RBM6: variants seen among roughly 807,000 people sequenced by gnomAD.
RBM6 encodes the protein RNA binding motif protein 6.
In RBM6, 23 loss-of-function variants were observed where a neutral mutation model predicts 140.4. The observed-to-expected ratio is 0.16, with a 90% CI of 0.12 to 0.23. The LOEUF is 0.23. Among genes scored for constraint, RBM6 ranks in the 10% least tolerant of loss-of-function variants. The probability of loss-of-function intolerance (pLI) is 1.00; values close to 1 mark genes in which losing one functional copy is unlikely to be tolerated. For missense variants in RBM6, 1,139 were observed against 1,386.7 expected (o/e 0.82, Z 2.84); for synonymous variants, 439 against 475.6 (o/e 0.92, Z 1.00).
chr3:50,015,131 G>T (rs2087057781), intron 6 of RBM6, among the ~76,000 whole-genome samples: 1 of 147,796 alleles, frequency 6.8e-6, no homozygotes. Flanking sequence ...TTTTGAGACA[G>T]AGTCACGCTC....
At chr3:49,990,247 T>C (rs1336220345) in intron 5 of RBM6, among the ~76,000 whole-genome samples, 1 of 152,210 alleles carries the variant, frequency 6.6e-6, no homozygotes, top group African/African-American at 2.4e-5. Context: ...TAGCCTACTA[T>C]ACAGCTAGGC....
chr3:50,035,756 A>G (rs1300035910), intron 6 of RBM6, among the ~76,000 whole-genome samples: 1 of 151,652 alleles, frequency 6.6e-6, no homozygotes, highest in East Asian at 1.9e-4. Context: ...TTATGATTTT[A>G]TTTAAAAAAA....
At chr3:49,965,784 T>C (rs1430487207) in intron 2 of RBM6, among the ~76,000 whole-genome samples, 1 of 152,136 alleles carries the variant, frequency 6.6e-6, no homozygotes, top group Admixed American at 6.6e-5. Context: ...ATCCATTAAA[T>C]GTACATCATT....
intron 6 of RBM6, among the ~76,000 whole-genome samples, chr3:50,014,932 C>T (rs908938345): frequency 6.6e-6 from 1 of 151,038 alleles, no homozygotes; most frequent in African/African-American, 2.4e-5. Context: ...ACCTGCAGTC[C>T]CAGCTACTCA....
At chr3:50,036,129 C>T (rs1412155599) in intron 6 of RBM6, among the ~76,000 whole-genome samples, 1 of 152,014 alleles carries the variant, frequency 6.6e-6, no homozygotes, top group Non-Finnish European at 1.5e-5. Flanking sequence ...CTCCTGACCT[C>T]AGTTGATTCG....
chr3:49,973,746 C>A (rs1485080035), intron 4 of RBM6, among the ~76,000 whole-genome samples: 1 of 151,648 alleles, frequency 6.6e-6, no homozygotes, highest in Non-Finnish European at 1.5e-5. Flanking sequence ...CCACTGCACC[C>A]AGCTGATTTT....
intron 20 of RBM6, among the ~76,000 whole-genome samples, chr3:50,076,312 G>A (rs2090459062): frequency 1.3e-5 from 2 of 151,668 alleles, no homozygotes; most frequent in African/African-American, 2.4e-5. Flanking sequence ...TCCGGGCGCA[G>A]TGGCTTATGC....
At position 50,015,667 on chromosome 3, in the gene RBM6, C is replaced by A. The variant is rs1049501589; in HGVS notation, c.1557+16154C>A. Reference sequence around the variant, plus strand: ...CAGGATGGTCTCCATCTCCTGACCTCGTGATCCACCTGCCTCAGCCTCCCA... The same window carrying A: ...CAGGATGGTCTCCATCTCCTGACCTAGTGATCCACCTGCCTCAGCCTCCCA... On this transcript the variant is annotated intron_variant, in intron 6 of 20. Coordinates refer to ENST00000266022, the MANE Select transcript of RBM6 (RefSeq NM_005777.3). Among the ~76,000 whole-genome samples, 4 of 147,932 alleles carry A rather than the reference C, an allele frequency of 2.7e-5. No individual in the cohort carries two copies. The South Asian group carries it at 8.7e-4, about 32-fold the overall frequency.
intron 6 of RBM6, among the ~76,000 whole-genome samples, chr3:50,000,839 G>A (rs1042816244): frequency 1.3e-5 from 2 of 152,154 alleles, no homozygotes; most frequent in African/African-American, 2.4e-5. Flanking sequence ...CTCATTATAC[G>A]TACTTTTCTC....
chr3:49,947,262 AGGGGGG>A (rs71080561), intron 1 of RBM6, among the ~76,000 whole-genome samples: 6 of 60,010 alleles, frequency 1.0e-4, no homozygotes, highest in Admixed American at 6.2e-4. Flanking sequence ...AAAAAAAAAA[AGGGGGG>A]GGGGGGGGGT....
At chr3:49,986,595 A>C (rs1355480739) in intron 5 of RBM6, among the ~76,000 whole-genome samples, 1 of 51,430 alleles carries the variant, frequency 1.9e-5, no homozygotes, top group Non-Finnish European at 5.0e-5. Flanking sequence ...ACTCCGTCTC[A>C]AAAAAAAAAA....
intron 1 of RBM6, 148 bp downstream of exon 1, chr3:49,940,373 G>A (rs1249669163): frequency 6.6e-6 from 1 of 152,668 alleles, no homozygotes; most frequent in Non-Finnish European, 1.5e-5. Context: ...TCGGGAAGAA[G>A]ACCAAGCAAC....
chr3:49,968,414 A>G lies in RBM6; in HGVS notation c.989A>G (p.Gln330Arg), dbSNP rs759384829. The G allele has an allele frequency of 1.1e-5, 17 of 1,614,150 alleles. No homozygotes were observed. The highest frequency in any genetic ancestry group is 1.4e-5 in the Non-Finnish European group (16 of 1,180,022). The change falls in exon 3 of 21, where the codon CAG becomes CGG. Residue 330 changes from glutamine (Q) to arginine (R), a missense_variant. Around this residue, in one of 9 missense-constraint regions of RBM6, gnomAD observed 566 missense variants for 612.7 expected, o/e 0.92. Coordinates refer to ENST00000266022, the MANE Select transcript of RBM6 (RefSeq NM_005777.3). Reference sequence around the variant, plus strand: ...ATAGAAAGGCCTGCTTTTGGCATTCAGAAGGGAGAATTTGAGCATTCAGAA... The same window carrying G: ...ATAGAAAGGCCTGCTTTTGGCATTCGGAAGGGAGAATTTGAGCATTCAGAA... ...HTIERPAFGIQKGEFEHSETR... is the reference protein window; with the variant it reads ...HTIERPAFGIRKGEFEHSETR...
chr3:49,955,844 G>GTCTC (rs150607037), intron 1 of RBM6, among the ~76,000 whole-genome samples: 95 of 144,992 alleles, frequency 6.6e-4, no homozygotes, highest in Middle Eastern at 3.5e-3. Flanking sequence ...CTCTCTCTGT[G>GTCTC]TCTCTCTCTC....
chr3:49,988,807 CA>C (rs1450585290), intron 5 of RBM6, among the ~76,000 whole-genome samples: 1 of 151,362 alleles, frequency 6.6e-6, no homozygotes. Flanking sequence ...CCATCTCTGC[CA>C]AAAATAAGCT....
rs1002174063 is a variant in RBM6 at position 49,972,083 on chromosome 3, A to G, written c.1348A>G (p.Ser450Gly). ...GGATCAAGATTATAGGACCGGCCCA[A>G]GTGAGGAGAAACCCAGCAGGCTTAT... ...LQDQDYRTGPSEEKPSRLIRL... is the reference protein window; with the variant it reads ...LQDQDYRTGPGEEKPSRLIRL... The change falls in exon 4 of 21, where the codon AGT becomes GGT. Residue 450 changes from serine to glycine, a missense_variant. Ser to Gly is a moderately conservative substitution (Grantham distance 56). Transcript: ENST00000266022. The G allele has an allele frequency of 6.2e-7, 1 of 1,613,050 alleles. No individual in the cohort carries two copies. Among genetic ancestry groups the G allele is most frequent in the Non-Finnish European group, 8.5e-7 (1 of 1,179,212 alleles).
chr3:50,076,698 CA>C (rs1188538317), intron 20 of RBM6, among the ~76,000 whole-genome samples: 1 of 151,714 alleles, frequency 6.6e-6, no homozygotes, highest in African/African-American at 2.4e-5. Flanking sequence ...CCAGCCTGGC[CA>C]ACATGGCGAA....
At chr3:50,030,413 C>T (rs1281610843) in intron 6 of RBM6, among the ~76,000 whole-genome samples, 1 of 151,814 alleles carries the variant, frequency 6.6e-6, no homozygotes, top group Non-Finnish European at 1.5e-5. Flanking sequence ...ACAGTAGGAC[C>T]TCTAGAAATA....
At chr3:49,963,908 T>C (rs927925602) in intron 2 of RBM6, among the ~76,000 whole-genome samples, 7 of 152,102 alleles carry the variant, frequency 4.6e-5, no homozygotes, top group Non-Finnish European at 7.4e-5. Context: ...TTCCTTTTTT[T>C]ACCTTTTTTC....
Sources: gnomAD v4.1 joint callset for allele counts (sites outside exome capture counted in the v4.1 genomes callset) on GRCh38, gnomAD v4.1.1 for gene constraint, gnomAD v4.1.1 regional missense constraint, MANE v1.5 for transcripts, NCBI Gene and HGNC (gene_info 2026-07-23, HGNC 2026-07-21) for gene names.